MTOR: variants seen among roughly 807,000 people sequenced by gnomAD.
MTOR encodes serine/threonine-protein kinase mTOR.
A neutral mutation model predicts 319.8 loss-of-function variants in MTOR; 70 were observed. The observed-to-expected ratio is 0.22, with a 90% CI of 0.18 to 0.27. The LOEUF (loss-of-function observed/expected upper bound fraction) is 0.27, where lower values mean the gene tolerates loss of function less well. MTOR is among the 10% of genes least tolerant of loss of function. The probability of loss-of-function intolerance (pLI) is 1.00; values close to 1 mark genes in which losing one functional copy is unlikely to be tolerated. For missense variants in MTOR, 1,890 were observed against 3,274.4 expected (o/e 0.58, Z 10.32); for synonymous variants, 1,183 against 1,211.4 (o/e 0.98, Z 0.49).
At chr1:11,234,033 GA>G (rs1647110689) in intron 14 of MTOR, 109 bp downstream of exon 14, 1 of 1,520,716 alleles carries the variant, frequency 6.6e-7, no homozygotes, top group Non-Finnish European at 9.0e-7. Flanking sequence ...TGAGAGCAAA[GA>G]AATCACCTAC....
intron 29 of MTOR, among the ~76,000 whole-genome samples, chr1:11,163,612 A>T (rs1644547564): frequency 6.6e-6 from 1 of 152,236 alleles, no homozygotes; most frequent in Admixed American, 6.5e-5. Flanking sequence ...TCAAACTAGA[A>T]CTCAGGATTA....
At chr1:11,261,756 G>C (rs1651163716) in intron 1 of MTOR, among the ~76,000 whole-genome samples, 1 of 152,040 alleles carries the variant, frequency 6.6e-6, no homozygotes, top group South Asian at 2.1e-4. Context: ...TCCCTGCTAA[G>C]AAAACTACTC....
intron 29 of MTOR, among the ~76,000 whole-genome samples, chr1:11,162,635 T>C (rs1644513012): frequency 2.0e-5 from 3 of 152,234 alleles, no homozygotes; most frequent in Admixed American, 1.3e-4. Context: ...ATATTCAACA[T>C]TCTTAAAGAG....
intron 46 of MTOR, among the ~76,000 whole-genome samples, chr1:11,125,813 A>G (rs1038149417): frequency 6.7e-6 from 1 of 149,734 alleles, no homozygotes; most frequent in Admixed American, 6.7e-5. Context: ...AGGCTGAGAC[A>G]GGCTGATCAC....
At chr1:11,209,007 A>C (rs1276046191) in intron 25 of MTOR, among the ~76,000 whole-genome samples, 1 of 152,224 alleles carries the variant, frequency 6.6e-6, no homozygotes, top group African/African-American at 2.4e-5. Context: ...AATGCCAACT[A>C]GGGGGCTCAC....
intron 28 of MTOR, among the ~76,000 whole-genome samples, chr1:11,198,022 G>T (rs934128245): frequency 1.3e-5 from 2 of 152,090 alleles, no homozygotes; most frequent in Non-Finnish European, 1.5e-5. Flanking sequence ...TCAAATATGC[G>T]GAAAAATTAA....
intron 18 of MTOR, among the ~76,000 whole-genome samples, chr1:11,229,780 C>T (rs958264730): frequency 6.6e-6 from 1 of 152,054 alleles, no homozygotes; most frequent in Non-Finnish European, 1.5e-5. Flanking sequence ...CATACCCCAC[C>T]CCCATTCACT....
chr1:11,251,418 C>T lies in MTOR; in HGVS notation c.840+2421G>A, dbSNP rs1649652021. On this transcript the variant is annotated intron_variant, in intron 6 of 57. Coordinates refer to ENST00000361445, the MANE Select transcript of MTOR (RefSeq NM_004958.4). ...AATCCTTAATCCAGGTGAGCATACT[C>T]TATTCCCCTTCCTTGCCCTACTTTT... Among the ~76,000 whole-genome samples the T allele has an allele frequency of 2.6e-5, 4 of 152,290 alleles. No homozygotes were observed. The South Asian group carries it at 6.2e-4, about 24-fold the overall frequency.
intron 28 of MTOR, chr1:11,195,028 A>G: frequency 1.2e-6 from 2 of 1,613,082 alleles, no homozygotes; most frequent in Non-Finnish European, 1.7e-6. Context: ...CCTTAAAAGG[A>G]GGCTGCCGTG....
At chr1:11,124,786 G>T (rs1349868807) in intron 46 of MTOR, among the ~76,000 whole-genome samples, 153 bp from the exon 47 acceptor site, 1 of 152,228 alleles carries the variant, frequency 6.6e-6, no homozygotes, top group Non-Finnish European at 1.5e-5. Flanking sequence ...TAGAATTAAT[G>T]AAAAGAGTGG....
chr1:11,209,504 C>T (rs1403087250), intron 24 of MTOR, 46 bp from the exon 25 acceptor site: 4 of 1,605,318 alleles, frequency 2.5e-6, no homozygotes, highest in Admixed American at 1.7e-5. Context: ...CTACTAGATG[C>T]TTCTGGTTTA....
chr1:11,115,772 C>T lies in MTOR; in HGVS notation c.7017-304G>A, dbSNP rs569835014. 15 of 315,394 alleles carry T rather than the reference C, an allele frequency of 4.8e-5. No homozygotes were observed. In the South Asian group the frequency reaches 7.1e-4, roughly 15 times the overall value. 19.5% of individuals were successfully genotyped at this position (315,394 alleles called of 1,614,324 possible). A position where few individuals can be genotyped will look rare whatever the true frequency, so the allele number is the denominator to read the frequency against. ...GTCCTTTACAGAAACAGTTTGCCAA[C>T]TCCTGCTGAAATGTGGGCTTATGTG... On this transcript the variant is annotated intron_variant, in intron 50 of 57. Transcript: ENST00000361445. This position sits in a 1 kb window ranked among gnomAD's most constrained non-coding sequence, Gnocchi z 4.5.
At chr1:11,193,943 T>C (rs1645667768) in intron 28 of MTOR, among the ~76,000 whole-genome samples, 2 of 46,256 alleles carry the variant, frequency 4.3e-5, no homozygotes, top group African/African-American at 4.7e-4. Context: ...ATTTTTCCTT[T>C]CTGCAACCCC....
chr1:11,126,161 T>C (rs931491608), intron 46 of MTOR, among the ~76,000 whole-genome samples: 14 of 151,592 alleles, frequency 9.2e-5, no homozygotes, highest in African/African-American at 3.1e-4. Context: ...CAGAGCCCAC[T>C]TGCTTAACAA....
chr1:11,228,152 G>A (rs1646905785), intron 19 of MTOR, among the ~76,000 whole-genome samples: 1 of 151,866 alleles, frequency 6.6e-6, no homozygotes, highest in Non-Finnish European at 1.5e-5. Flanking sequence ...AGATTACTGA[G>A]AATGACAATG....
In MTOR at chr1:11,128,247, A is replaced by G; in HGVS notation, c.5911-121T>C. ...GTGACATTAACATCTGCTTGAGACTACCAGGAAGGGGCTCAGTCTTCGAGG... is the reference window on the plus strand; with the variant it reads ...GTGACATTAACATCTGCTTGAGACTGCCAGGAAGGGGCTCAGTCTTCGAGG... On this transcript the variant is annotated intron_variant, in intron 42 of 57. Transcript: ENST00000361445. The surrounding 1 kb of genome is among the most constrained non-coding windows in gnomAD (Gnocchi z 5.3). 1 of 1,418,024 alleles carries G rather than the reference A, an allele frequency of 7.1e-7. No individual in the cohort carries two copies. The highest frequency in any genetic ancestry group is 9.7e-7 in the Non-Finnish European group (1 of 1,035,880). The allele number at this position is 1,418,024 out of a possible 1,614,324, so 87.8% of individuals were successfully genotyped here.
At chr1:11,222,400 T>G (rs1374327947) in intron 19 of MTOR, among the ~76,000 whole-genome samples, 1 of 152,148 alleles carries the variant, frequency 6.6e-6, no homozygotes, top group African/African-American at 2.4e-5. Flanking sequence ...GGTTTCATCG[T>G]GTTAGCCAGG....
chr1:11,247,596 G>A lies in MTOR; in HGVS notation c.1225+29C>T, dbSNP rs1569796492. 6 of 1,598,034 alleles carry A rather than the reference G, an allele frequency of 3.8e-6. No homozygotes were observed. The Admixed American group carries it at 8.3e-5, about 22-fold the overall frequency. On this transcript the variant is annotated intron_variant, in intron 8 of 57. Transcript: ENST00000361445. ...CTGTTCCCTGTTTACCCTGAGATGGGTAATGATGTCTTCCATGGACATCCT... is the reference window on the plus strand; with the variant it reads ...CTGTTCCCTGTTTACCCTGAGATGGATAATGATGTCTTCCATGGACATCCT...
chr1:11,238,855 C>T (rs1484144048), intron 11 of MTOR, among the ~76,000 whole-genome samples: 1 of 151,840 alleles, frequency 6.6e-6, no homozygotes, highest in African/African-American at 2.4e-5. Context: ...CTCCGCCTCC[C>T]GGGTTCACAC....
Sources: allele counts gnomAD v4.1 joint callset (sites outside exome capture counted in the v4.1 genomes callset), GRCh38; gene constraint gnomAD v4.1.1; non-coding constraint Gnocchi (gnomAD v3.1); transcripts MANE v1.5; gene names NCBI Gene and HGNC (gene_info 2026-07-23, HGNC 2026-07-21).